The following IGFBP7 variants were observed in gnomAD, a reference collection of about 807,000 sequenced individuals.
The protein encoded by IGFBP7 is insulin like growth factor binding protein 7.
IGFBP7 carries 31 observed loss-of-function variants against 29.4 expected under a neutral mutation model. The observed-to-expected ratio is 1.05, with a 90% confidence interval of 0.79 to 1.42. The LOEUF (loss-of-function observed/expected upper bound fraction) is 1.42. Ranked by LOEUF, IGFBP7 falls within the 40% of genes most tolerant of loss-of-function variation. The pLI is 0.00. For synonymous variants in IGFBP7, 172 were observed against 174.9 expected, an observed-to-expected ratio of 0.98 and a Z score of 0.13; for missense variants, 393 against 395.5, an observed-to-expected ratio of 0.99 and a Z score of 0.05.
chr4:57,041,040 T>C (rs1420015891), intron 1 of IGFBP7, 107 bp from the exon 2 acceptor site: 1 of 752,700 alleles, frequency 1.3e-6, no homozygotes, highest in Admixed American at 2.0e-5. Flanking sequence ...ATCCCCTTGA[T>C]GGATTATCTG....
rs899187209 is a variant in IGFBP7, at chr4:57,043,236, G to T, written c.476-2303C>A. Among the ~76,000 whole-genome samples the T allele has an allele frequency of 5.3e-5, 8 of 152,334 alleles. No homozygotes were observed. In the East Asian group the frequency reaches 9.6e-4, roughly 18 times the overall value. On this transcript the variant is annotated intron_variant, in intron 1 of 4. Coordinates refer to ENST00000295666, the MANE Select transcript of IGFBP7 (RefSeq NM_001553.3). ...GGAGCTGGCAGTCTGGGATCCTCAT[G>T]TGGGGCAGTGTGAGACTCCAGAACC... is the stretch of plus-strand genomic sequence containing the variant.
At position 57,040,945 on chromosome 4, in the gene IGFBP7, G is replaced by A; in HGVS notation, c.476-12C>T. On this transcript the variant is annotated splice_polypyrimidine_tract_variant and intron_variant, in intron 1 of 4. Transcript: ENST00000295666. ...CACTATGGAAGGACCTGCAGGAGAG[G>A]GCACAAAGCCAAAGTCATCTTTTAA... The A allele has an allele frequency of 6.4e-7, 1 of 1,556,992 alleles. No homozygotes were observed.
chr4:57,052,592 G>A (rs144872255), intron 1 of IGFBP7, among the ~76,000 whole-genome samples: 1,564 of 152,132 alleles, frequency 0.01, 27 homozygotes, highest in African/African-American at 0.035. Flanking sequence ...CACCTGGCCC[G>A]TCCCCACCCC....
intron 1 of IGFBP7, among the ~76,000 whole-genome samples, chr4:57,092,248 C>A (rs1725659720): frequency 2.0e-5 from 3 of 152,256 alleles, no homozygotes; most frequent in Non-Finnish European, 2.9e-5. Context: ...AAGGAATATT[C>A]TTTCCTTCTC....
chr4:57,041,634 C>G (rs1724228667), intron 1 of IGFBP7, among the ~76,000 whole-genome samples: 2 of 152,268 alleles, frequency 1.3e-5, no homozygotes, highest in East Asian at 3.9e-4. Context: ...CTCCTGGTCT[C>G]CAGCGATCCT....
intron 1 of IGFBP7, among the ~76,000 whole-genome samples, chr4:57,108,167 A>G (rs966491314): frequency 7.2e-5 from 11 of 152,210 alleles, no homozygotes; most frequent in African/African-American, 2.7e-4. Context: ...TTGGGTTGCA[A>G]TTTTCTAAGT....
intron 2 of IGFBP7, among the ~76,000 whole-genome samples, chr4:57,034,857 C>T (rs1022313804): frequency 1.3e-5 from 2 of 152,134 alleles, no homozygotes; most frequent in Non-Finnish European, 2.9e-5. Context: ...GAGAAAACCA[C>T]GTAACTTAAT....
At chr4:57,089,354 A>G (rs185222698) in intron 1 of IGFBP7, among the ~76,000 whole-genome samples, 9 of 152,314 alleles carry the variant, frequency 5.9e-5, no homozygotes, top group Admixed American at 5.2e-4. Context: ...ATTAAATTAA[A>G]TCAGGCAGGA....
intron 1 of IGFBP7, among the ~76,000 whole-genome samples, chr4:57,053,752 C>A (rs1724572406): frequency 6.6e-6 from 1 of 152,172 alleles, no homozygotes; most frequent in South Asian, 2.1e-4. Flanking sequence ...ATAGAGAGTG[C>A]TTTCCCGAGA....
chr4:57,060,691 C>A (rs2109765053), intron 1 of IGFBP7, among the ~76,000 whole-genome samples: 1 of 152,254 alleles, frequency 6.6e-6, no homozygotes, highest in South Asian at 2.1e-4. Flanking sequence ...GGGAGGATCA[C>A]TTGAGCCCAG....
At chr4:57,085,725 T>C (rs979999000) in intron 1 of IGFBP7, among the ~76,000 whole-genome samples, 3 of 152,196 alleles carry the variant, frequency 2.0e-5, no homozygotes, top group Non-Finnish European at 2.9e-5. Context: ...TTTTTTAAAA[T>C]GTAAAATTGG....
chr4:57,051,980 C>T (rs1030196672), intron 1 of IGFBP7, among the ~76,000 whole-genome samples: 9 of 151,958 alleles, frequency 5.9e-5, no homozygotes, highest in African/African-American at 2.2e-4. Context: ...CGGGCCAGCT[C>T]GGGAAGAGGA....
intron 1 of IGFBP7, among the ~76,000 whole-genome samples, chr4:57,049,382 A>G (rs1724445067): frequency 6.6e-6 from 1 of 150,852 alleles, no homozygotes; most frequent in Non-Finnish European, 1.5e-5. Flanking sequence ...CATCTCTTCC[A>G]TTTTTACCAA....
intron 1 of IGFBP7, among the ~76,000 whole-genome samples, chr4:57,042,318 A>C (rs571262592): frequency 4.3e-4 from 66 of 152,256 alleles, no homozygotes; most frequent in African/African-American, 1.6e-3. Context: ...TGAGCTAAGA[A>C]TGGTGTTTGG....
At chr4:57,035,758 G>A (rs1029737223) in intron 2 of IGFBP7, among the ~76,000 whole-genome samples, 2 of 152,200 alleles carry the variant, frequency 1.3e-5, no homozygotes, top group Non-Finnish European at 2.9e-5. Context: ...ACTGTGCCTG[G>A]CCAATAAATA....
intron 1 of IGFBP7, among the ~76,000 whole-genome samples, chr4:57,057,377 A>C (rs1319794085): frequency 6.6e-6 from 1 of 152,220 alleles, no homozygotes; most frequent in East Asian, 1.9e-4. Flanking sequence ...CATGCAAAGT[A>C]TCCTAACGGT....
intron 1 of IGFBP7, among the ~76,000 whole-genome samples, chr4:57,045,447 C>A (rs970010271): frequency 1.3e-5 from 2 of 152,208 alleles, no homozygotes; most frequent in African/African-American, 2.4e-5. Context: ...GGCTACAGAA[C>A]GGCCTTTTGG....
In IGFBP7 at chr4:57,049,717, G is replaced by A. The variant is rs888112776; in HGVS notation, c.476-8784C>T. Among the ~76,000 whole-genome samples, 38 of 152,252 alleles carry A rather than the reference G, an allele frequency of 2.5e-4. 1 individual carries two copies. Among genetic ancestry groups the A allele is most frequent in the African/African-American group, 7.9e-4 (33 of 41,552 alleles). On this transcript the variant is annotated intron_variant, in intron 1 of 4. Transcript: ENST00000295666. ...AATGCTTTCCTTAGCTGGCCTAATT[G>A]AGGATGCCAGCATCCTGTCGGAATC...
At chr4:57,092,064 T>A (rs1725654959) in intron 1 of IGFBP7, among the ~76,000 whole-genome samples, 1 of 152,188 alleles carries the variant, frequency 6.6e-6, no homozygotes, top group South Asian at 2.1e-4. Context: ...AATAGAATAG[T>A]AGAGACCTTT....
Sources: gnomAD v4.1 joint callset for allele counts (sites outside exome capture counted in the v4.1 genomes callset) on GRCh38, gnomAD v4.1.1 for gene constraint, MANE v1.5 for transcripts, NCBI Gene and HGNC (gene_info 2026-07-23, HGNC 2026-07-21) for gene names.